Variants in PIAS4 observed in about 807,000 individuals in gnomAD.
PIAS4 encodes E3 SUMO-protein ligase PIAS4.
A neutral mutation model predicts 58.0 loss-of-function variants in PIAS4; 7 were observed. That is an observed-to-expected ratio of 0.12 (90% CI 0.07 to 0.23). PIAS4 has a LOEUF of 0.23. PIAS4 is among the 10% of genes least tolerant of loss of function. The probability of loss-of-function intolerance (pLI) is 1.00; values close to 1 mark genes in which losing one functional copy is unlikely to be tolerated. For synonymous variants in PIAS4, 364 were observed against 312.4 expected (o/e 1.17, Z -1.74); for missense variants, 550 against 709.5 (o/e 0.78, Z 2.55).
At chr19:4,014,076 T>C (rs1386735696) in intron 2 of PIAS4, among the ~76,000 whole-genome samples, 1 of 152,090 alleles carries the variant, frequency 6.6e-6, no homozygotes, top group Non-Finnish European at 1.5e-5. Context: ...CGGGCTCTGG[T>C]TCCTCGCTGG....
intron 3 of PIAS4, 71 bp from the exon 4 acceptor site, chr19:4,028,075 G>T (rs563785400): frequency 6.9e-7 from 1 of 1,451,656 alleles, no homozygotes; most frequent in Non-Finnish European, 9.7e-7. Context: ...CCACCTTGTC[G>T]GGTGGGCTGG....
intron 2 of PIAS4, chr19:4,018,802 T>C (rs2040078668): frequency 6.6e-6 from 1 of 152,268 alleles, no homozygotes; most frequent in Admixed American, 6.5e-5. Flanking sequence ...AAGGCTTTCC[T>C]TCTGGTGACA....
chr19:4,035,057 A>C (rs1452478158), intron 9 of PIAS4, among the ~76,000 whole-genome samples: 1 of 152,002 alleles, frequency 6.6e-6, no homozygotes, highest in East Asian at 1.9e-4. Context: ...TTGGAGGGTG[A>C]AAAGCAGTTT....
intron 2 of PIAS4, among the ~76,000 whole-genome samples, chr19:4,014,392 C>T (rs933873395): frequency 6.6e-6 from 1 of 152,136 alleles, no homozygotes; most frequent in East Asian, 1.9e-4. Flanking sequence ...GGGAGGCCTC[C>T]GCAGCCCCAG....
At position 4,031,746 on chromosome 19, in the gene PIAS4, G is replaced by C. The variant is rs980902250; in HGVS notation, c.908-1354G>C. ...AGCCGGCCCCAGGCTCAGCCTCTCTGTCACTGGATTTCTTTCTTGCTGCAC... is the reference window on the plus strand; with the variant it reads ...AGCCGGCCCCAGGCTCAGCCTCTCTCTCACTGGATTTCTTTCTTGCTGCAC... On this transcript the variant is annotated intron_variant, in intron 7 of 10. Coordinates refer to ENST00000262971, the MANE Select transcript of PIAS4 (RefSeq NM_015897.4). Among the ~76,000 whole-genome samples the C allele has an allele frequency of 4.6e-5, 7 of 152,334 alleles. No individual in the cohort carries two copies. In the East Asian group the frequency reaches 5.8e-4, roughly 13 times the overall value.
At chr19:4,023,001 A>G (rs534487930) in intron 2 of PIAS4, among the ~76,000 whole-genome samples, 13 of 151,292 alleles carry the variant, frequency 8.6e-5, no homozygotes, top group Middle Eastern at 3.4e-3. Context: ...GAGAAACCCT[A>G]CCTCTACTAA....
At chr19:4,010,830 A>G (rs983650843) in intron 1 of PIAS4, among the ~76,000 whole-genome samples, 2 of 152,212 alleles carry the variant, frequency 1.3e-5, no homozygotes, top group Non-Finnish European at 2.9e-5. Flanking sequence ...CTTTACAGTC[A>G]CGGGGCCCCG....
chr19:4,029,747 C>T (rs1230426649), intron 7 of PIAS4, among the ~76,000 whole-genome samples: 1 of 150,838 alleles, frequency 6.6e-6, no homozygotes, highest in Non-Finnish European at 1.5e-5. Context: ...GGGCTCAAGC[C>T]ATCCTCCTGC....
chr19:4,035,292 A>G (rs1249040009), intron 9 of PIAS4, among the ~76,000 whole-genome samples: 1 of 152,086 alleles, frequency 6.6e-6, no homozygotes. Flanking sequence ...GTAACAGGCC[A>G]GCCTGGGCCC....
rs2040021268 is a variant in PIAS4 at position 4,013,528 on chromosome 19, C to T, written c.454+179C>T. On this transcript the variant is annotated intron_variant, in intron 2 of 10. Transcript: ENST00000262971. The surrounding 1 kb of genome is among the most constrained non-coding windows in gnomAD (Gnocchi z 5.1). ...CAAAGGGACCATCTTTGATATTGGT[C>T]ACCCCTTGCTGTGTTACAAGTTACC... Among the ~76,000 whole-genome samples the T allele has an allele frequency of 6.6e-6, 1 of 152,136 alleles. No individual in the cohort carries two copies. The highest frequency in any genetic ancestry group is 1.5e-5 in the Non-Finnish European group (1 of 68,014).
chr19:4,027,673 G>A (rs1429165498), intron 3 of PIAS4, among the ~76,000 whole-genome samples: 1 of 148,392 alleles, frequency 6.7e-6, no homozygotes, highest in Non-Finnish European at 1.5e-5. Context: ...CGATCCCCCT[G>A]CCTCAGCCTC....
intron 2 of PIAS4, among the ~76,000 whole-genome samples, chr19:4,016,174 G>A (rs1212139306): frequency 6.6e-6 from 1 of 152,230 alleles, no homozygotes; most frequent in African/African-American, 2.4e-5. Flanking sequence ...GCGCCACCTG[G>A]GGAGTCCGGC....
chr19:4,012,566 C>T (rs966571331), intron 1 of PIAS4, among the ~76,000 whole-genome samples: 2 of 152,224 alleles, frequency 1.3e-5, no homozygotes, highest in East Asian at 1.9e-4. Context: ...TGGTGTTTGC[C>T]GGTAAGGCAC....
At chr19:4,029,143 G>C in intron 7 of PIAS4, 107 bp downstream of exon 7, 1 of 773,762 alleles carries the variant, frequency 1.3e-6, no homozygotes. Context: ...ATCGATCAGG[G>C]GCCGCCTGTC....
At chr19:4,008,946 C>G (rs2039968521) in intron 1 of PIAS4, among the ~76,000 whole-genome samples, 1 of 152,170 alleles carries the variant, frequency 6.6e-6, no homozygotes, top group South Asian at 2.1e-4. Flanking sequence ...ACTTTGGGTC[C>G]TGTCCAGGTC....
intron 2 of PIAS4, among the ~76,000 whole-genome samples, chr19:4,016,035 G>A (rs560770044): frequency 8.5e-5 from 13 of 152,206 alleles, no homozygotes; most frequent in Non-Finnish European, 1.5e-4. Flanking sequence ...GTCGCACAGC[G>A]GCCTGCCTTC....
chr19:4,021,785 G>C (rs2040113075), intron 2 of PIAS4, among the ~76,000 whole-genome samples: 1 of 107,110 alleles, frequency 9.3e-6, no homozygotes, highest in Admixed American at 1.3e-4. Flanking sequence ...TGATTCTGTT[G>C]CCCAGGCTGG....
At chr19:4,031,573 A>G (rs1172084073) in intron 7 of PIAS4, among the ~76,000 whole-genome samples, 1 of 152,072 alleles carries the variant, frequency 6.6e-6, no homozygotes, top group Admixed American at 6.5e-5. Flanking sequence ...GGACATGGCC[A>G]ACTTGAGGGA....
At chr19:4,028,639 G>T in intron 5 of PIAS4, 39 bp downstream of exon 5, 1 of 1,608,442 alleles carries the variant, frequency 6.2e-7, no homozygotes, top group Non-Finnish European at 8.5e-7. Context: ...GCACGGGTTT[G>T]GGGGGCGTGG....
Sources: allele counts gnomAD v4.1 joint callset (sites outside exome capture counted in the v4.1 genomes callset), GRCh38; gene constraint gnomAD v4.1.1; non-coding constraint Gnocchi (gnomAD v3.1); transcripts MANE v1.5; gene names NCBI Gene and HGNC (gene_info 2026-07-23, HGNC 2026-07-21).